The following FLACC1 variants were observed in gnomAD, a reference collection of about 807,000 sequenced individuals.
FLACC1 encodes the protein flagellum-associated coiled-coil domain-containing protein 1.
In FLACC1, 66 loss-of-function variants were observed where a neutral mutation model predicts 62.8. The observed-to-expected ratio is 1.05, with a 90% CI of 0.86 to 1.29. FLACC1 has a LOEUF of 1.29. FLACC1 is among the 50% of genes most tolerant of loss of function. The pLI, the probability that FLACC1 is intolerant of heterozygous loss-of-function variation, is 0.00. For missense variants in FLACC1, 452 were observed against 489.1 expected, an observed-to-expected ratio of 0.92 and a Z score of 0.71; for synonymous variants, 156 against 161.0, an observed-to-expected ratio of 0.97 and a Z score of 0.24.
intron 1 of FLACC1, among the ~76,000 whole-genome samples, chr2:201,352,689 C>T (rs1366225677): frequency 6.6e-6 from 1 of 152,160 alleles, no homozygotes; most frequent in Non-Finnish European, 1.5e-5. Flanking sequence ...TATTGACAGG[C>T]AGCTGGTAGA....
At chr2:201,360,340 C>A (rs560968292), upstream of FLACC1, among the ~76,000 whole-genome samples, 5 of 152,300 alleles carry the variant, frequency 3.3e-5, no homozygotes, top group South Asian at 1.0e-3. Context: ...TTAATTCTGA[C>A]AGCAATATTA....
At chr2:201,303,395 G>A (rs900221969) in intron 11 of FLACC1, among the ~76,000 whole-genome samples, 10 of 152,014 alleles carry the variant, frequency 6.6e-5, no homozygotes, top group African/African-American at 2.2e-4. Flanking sequence ...AGTTGAATCC[G>A]TGAATAGACC....
At chr2:201,347,272 C>T (rs552780218) in intron 4 of FLACC1, among the ~76,000 whole-genome samples, 21 of 152,334 alleles carry the variant, frequency 1.4e-4, no homozygotes, top group African/African-American at 4.3e-4. Context: ...CTGAGAGCTG[C>T]GCAGCACATG....
Position 201,289,504 on chromosome 2 carries a change from C to CTTT in FLACC1, c.1092_1094dup (p.Lys365dup). ...TCAGGATCTGTATGGTGTGCTTATA[C>CTTT]TTTTCTTCAGTTTCAGCAAACTTGG... On this transcript the variant is annotated inframe_insertion, in exon 14 of 15. Transcript: ENST00000392257. The CTTT allele has an allele frequency of 6.2e-7, 1 of 1,614,220 alleles. No homozygotes were observed. The highest frequency in any genetic ancestry group is 2.2e-5 in the East Asian group (1 of 44,890).
chr2:201,347,643 A>AAAAC (rs925320119), intron 4 of FLACC1, among the ~76,000 whole-genome samples: 3 of 39,638 alleles, frequency 7.6e-5, no homozygotes, highest in Non-Finnish European at 3.0e-4. Flanking sequence ...AAAACAAAAC[A>AAAAC]AAAAAAAGAA....
At position 201,322,299 on chromosome 2, in the gene FLACC1, G is replaced by C. The variant is rs535444482; in HGVS notation, c.675+8171C>G. ...AAGAAAAAAAAAACTGGACGAAAAT[G>C]CGTAAATAAAAAAGGGCATGCCACA... On this transcript the variant is annotated intron_variant, in intron 9 of 14. Coordinates refer to ENST00000392257, the MANE Select transcript of FLACC1 (RefSeq NM_001127391.3). Among the ~76,000 whole-genome samples, 28 of 151,296 alleles carry C rather than the reference G, an allele frequency of 1.9e-4. No homozygotes were observed. The South Asian group carries it at 5.4e-3, about 29-fold the overall frequency.
At chr2:201,329,305 T>C (rs1175945886) in intron 9 of FLACC1, among the ~76,000 whole-genome samples, 1 of 151,970 alleles carries the variant, frequency 6.6e-6, no homozygotes, top group Non-Finnish European at 1.5e-5. Context: ...CAGATGCTGG[T>C]GAGGTTGGAG....
At chr2:201,357,956 CTT>C (rs1224235834), upstream of FLACC1, among the ~76,000 whole-genome samples, 3 of 152,178 alleles carry the variant, frequency 2.0e-5, no homozygotes, top group East Asian at 5.8e-4. Context: ...AAATAATACT[CTT>C]ATTATTTGCT....
intron 6 of FLACC1, 87 bp from the exon 7 acceptor site, chr2:201,342,518 G>T: frequency 7.4e-7 from 1 of 1,355,658 alleles, no homozygotes. Flanking sequence ...TCCAATTTAT[G>T]GGGCACAGCC....
intron 10 of FLACC1, among the ~76,000 whole-genome samples, chr2:201,308,627 C>A (rs1304475414): frequency 1.3e-5 from 2 of 151,896 alleles, no homozygotes; most frequent in Non-Finnish European, 2.9e-5. Flanking sequence ...GGGAGGTGCA[C>A]CTATAGAATA....
Position 201,346,397 on chromosome 2 carries a change from C to A in FLACC1, c.368+145G>T. On this transcript the variant is annotated intron_variant, in intron 5 of 14. Coordinates refer to ENST00000392257, the MANE Select transcript of FLACC1 (RefSeq NM_001127391.3). The surrounding 1 kb of genome is among the most constrained non-coding windows in gnomAD (Gnocchi z 4.0). ...GAGATGCATCATCAGGAAGCAGGGG[C>A]GAGGAGGGAGGTGCCCTTGCGGCCC... is the stretch of plus-strand genomic sequence containing the variant. 2 of 1,124,336 alleles carry A rather than the reference C, an allele frequency of 1.8e-6. No individual in the cohort carries two copies. Among genetic ancestry groups the A allele is most frequent in the East Asian group, 2.4e-5 (1 of 41,642 alleles). 69.6% of individuals were successfully genotyped at this position (1,124,336 alleles called of 1,614,324 possible).
intron 11 of FLACC1, among the ~76,000 whole-genome samples, chr2:201,306,462 A>C (rs1404519238): frequency 6.6e-6 from 1 of 152,246 alleles, no homozygotes; most frequent in Non-Finnish European, 1.5e-5. Flanking sequence ...TTTTTAAAGA[A>C]TGATGCTGGG....
Position 201,326,363 on chromosome 2 carries a change from AAAG to A in FLACC1, c.675+4104_675+4106del, listed in dbSNP as rs1321039686. Among the ~76,000 whole-genome samples, 3 of 152,226 alleles carry A rather than the reference AAAG, an allele frequency of 2.0e-5. No individual in the cohort carries two copies. Among genetic ancestry groups the A allele is most frequent in the Admixed American group, 2.0e-4 (3 of 15,290 alleles). On this transcript the variant is annotated intron_variant, in intron 9 of 14. Transcript: ENST00000392257. The surrounding 1 kb of genome is among the most constrained non-coding windows in gnomAD (Gnocchi z 4.1). The stretch of plus-strand genomic sequence containing the variant: ...AGAAATAAAGGGCGTCCAAATTGGA[AAAG>A]AAGAAGTCAAACTATTGCTGTTTGA...
chr2:201,335,253 ATT>A (rs1455932363), intron 7 of FLACC1, among the ~76,000 whole-genome samples: 3 of 150,456 alleles, frequency 2.0e-5, no homozygotes, highest in African/African-American at 7.3e-5. Flanking sequence ...TGATTTTTAT[ATT>A]GTTTTTCTAG....
At chr2:201,355,225 C>A (rs1951097536) in intron 1 of FLACC1, among the ~76,000 whole-genome samples, 1 of 151,556 alleles carries the variant, frequency 6.6e-6, no homozygotes, top group Non-Finnish European at 1.5e-5. Flanking sequence ...GTGGAGGTTG[C>A]AGTGAGCCGA....
intron 3 of FLACC1, among the ~76,000 whole-genome samples, 197 bp downstream of exon 3, chr2:201,350,514 A>G (rs1397105859): frequency 1.3e-5 from 2 of 152,036 alleles, no homozygotes; most frequent in Non-Finnish European, 2.9e-5. Context: ...CCCCGTCTCT[A>G]CTAAAATACA....
chr2:201,338,297 G>T (rs531135366), intron 7 of FLACC1, among the ~76,000 whole-genome samples: 1 of 152,244 alleles, frequency 6.6e-6, no homozygotes, highest in African/African-American at 2.4e-5. Context: ...AGAGTTTTTG[G>T]ATGGAGTTTT....
At chr2:201,290,353 C>T (rs536071345) in intron 12 of FLACC1, among the ~76,000 whole-genome samples, 2 of 146,380 alleles carry the variant, frequency 1.4e-5, no homozygotes, top group African/African-American at 5.0e-5. Context: ...ATGCAAGATA[C>T]TAATAATAAA....
At chr2:201,293,475 G>A (rs1266589854) in intron 12 of FLACC1, among the ~76,000 whole-genome samples, 1 of 152,216 alleles carries the variant, frequency 6.6e-6, no homozygotes, top group Non-Finnish European at 1.5e-5. Flanking sequence ...CAAAACCAAT[G>A]AGAACAAAGA....
Sources: gnomAD v4.1 joint callset for allele counts (sites outside exome capture counted in the v4.1 genomes callset) on GRCh38, gnomAD v4.1.1 for gene constraint, Gnocchi (gnomAD v3.1) non-coding constraint, MANE v1.5 for transcripts, NCBI Gene and HGNC (gene_info 2026-07-23, HGNC 2026-07-21) for gene names.